The following MGAT4C variants were observed in gnomAD, a reference collection of about 807,000 sequenced individuals.
MGAT4C encodes alpha-1,3-mannosyl-glycoprotein 4-beta-N-acetylglucosaminyltransferase C.
A neutral mutation model predicts 40.1 loss-of-function variants in MGAT4C; 19 were observed. The ratio of observed to expected loss-of-function variants is 0.47; its 90% CI spans 0.33 to 0.70. MGAT4C has a LOEUF of 0.70. Among genes scored for constraint, MGAT4C ranks in the 30% least tolerant of loss-of-function variants. MGAT4C has a pLI of 0.02. For synonymous variants in MGAT4C, 181 were observed against 187.1 expected (o/e 0.97, Z 0.27); for missense variants, 491 against 563.2 (o/e 0.87, Z 1.30).
rs145699550 is a variant in MGAT4C at position 86,303,758 on chromosome 12, A to G, written c.-57+30307T>C. 8.2e-3 allele frequency among the ~76,000 whole-genome samples: 1,236 copies of G among 150,698 alleles called. 21 individuals carry two copies. Among genetic ancestry groups the G allele is most frequent in the Non-Finnish European group, 0.014 (978 of 68,008 alleles). ...CTTAAAATTATATTACTTATGATTA[A>G]TACACTAATTTCATTTTACTTTTGC... On this transcript the variant is annotated intron_variant, in intron 4 of 7. Transcript: ENST00000548651.
chr12:86,395,259 C>T (rs996906113), intron 3 of MGAT4C, among the ~76,000 whole-genome samples: 3 of 152,016 alleles, frequency 2.0e-5, no homozygotes, highest in African/African-American at 7.2e-5. Context: ...AATTTTAGAG[C>T]TGGAAGAGAT....
Position 85,959,766 on chromosome 12 carries a change from T to G in MGAT4C, c.*19523A>C, listed in dbSNP as rs992584455. 6.6e-6 allele frequency: 1 copy of G among 151,828 alleles called. No homozygotes were observed. The highest frequency in any genetic ancestry group is 1.5e-5 in the Non-Finnish European group (1 of 67,916). 9.4% of individuals were successfully genotyped at this position (151,828 alleles called of 1,614,324 possible). ...GAGATCAATATTCATTGTTTTCTTC[T>G]GGGTTAACTCTTTTTTATGTTAACT... On this transcript the variant is annotated 3_prime_UTR_variant, in exon 5 of 5. Transcript: ENST00000611864.
intron 1 of MGAT4C, among the ~76,000 whole-genome samples, chr12:86,795,766 T>C (rs1229108440): frequency 6.6e-6 from 1 of 152,148 alleles, no homozygotes; most frequent in African/African-American, 2.4e-5. Context: ...CAGGAATTAT[T>C]TGTCTAGAAA....
intron 1 of MGAT4C, among the ~76,000 whole-genome samples, chr12:86,797,857 TAA>T (rs1226595588): frequency 6.6e-6 from 1 of 152,024 alleles, no homozygotes; most frequent in African/African-American, 2.4e-5. Context: ...CATCTTAGAA[TAA>T]AGTCTGCCTT....
At chr12:86,349,537 A>C (rs555810299) in intron 3 of MGAT4C, among the ~76,000 whole-genome samples, 1 of 152,000 alleles carries the variant, frequency 6.6e-6, no homozygotes, top group East Asian at 1.9e-4. Context: ...CCTCTTGTAA[A>C]CCCTCTGTTT....
chr12:86,699,469 T>C (rs569200416), intron 2 of MGAT4C, among the ~76,000 whole-genome samples: 4 of 152,282 alleles, frequency 2.6e-5, no homozygotes, highest in Admixed American at 6.6e-5. Flanking sequence ...TATATATTAA[T>C]TTGAAGTCAC....
intron 1 of MGAT4C, among the ~76,000 whole-genome samples, chr12:86,728,725 T>A (rs962047290): frequency 1.3e-5 from 2 of 152,186 alleles, no homozygotes; most frequent in African/African-American, 4.8e-5. Context: ...TCCCGCTCAC[T>A]ACTGTTGAGT....
intron 3 of MGAT4C, among the ~76,000 whole-genome samples, chr12:86,434,326 A>C (rs1292571829): frequency 6.6e-6 from 1 of 151,980 alleles, no homozygotes; most frequent in Non-Finnish European, 1.5e-5. Context: ...AAAAGCTATA[A>C]ATTTCCATAG....
chr12:86,562,258 G>C (rs778735164), intron 2 of MGAT4C, among the ~76,000 whole-genome samples: 3 of 152,106 alleles, frequency 2.0e-5, no homozygotes, highest in Non-Finnish European at 4.4e-5. Context: ...CAGAAAATCA[G>C]ACACAAGCTC....
intron 3 of MGAT4C, among the ~76,000 whole-genome samples, chr12:86,406,198 G>A (rs1956470137): frequency 1.3e-5 from 2 of 151,062 alleles, no homozygotes; most frequent in Middle Eastern, 6.9e-3. Flanking sequence ...TAGTCAAAAA[G>A]TGCTTAGATG....
At chr12:86,588,171 T>A (rs2136443993) in intron 2 of MGAT4C, among the ~76,000 whole-genome samples, 1 of 151,780 alleles carries the variant, frequency 6.6e-6, no homozygotes, top group South Asian at 2.1e-4. Flanking sequence ...ATTGTTGAAT[T>A]TTGTCAAAGG....
At chr12:86,786,517 G>T (rs1039882552) in intron 1 of MGAT4C, among the ~76,000 whole-genome samples, 6 of 152,002 alleles carry the variant, frequency 3.9e-5, no homozygotes, top group African/African-American at 1.4e-4. Context: ...GTCTCAGTTG[G>T]TCAGGGGTTT....
At chr12:86,150,651 T>C (rs1884158478) in intron 1 of MGAT4C, among the ~76,000 whole-genome samples, 2 of 152,232 alleles carry the variant, frequency 1.3e-5, no homozygotes, top group South Asian at 2.1e-4. Flanking sequence ...ATACAGGAAA[T>C]TGTGTTGGAG....
At chr12:86,199,294 AGTG>A (rs1949945524) in intron 1 of MGAT4C, among the ~76,000 whole-genome samples, 1 of 152,170 alleles carries the variant, frequency 6.6e-6, no homozygotes, top group South Asian at 2.1e-4. Flanking sequence ...CAGAGGCAGC[AGTG>A]AGTGGAGGCA....
intron 3 of MGAT4C, among the ~76,000 whole-genome samples, chr12:86,353,851 T>C (rs564336350): frequency 6.6e-6 from 1 of 152,214 alleles, no homozygotes; most frequent in African/African-American, 2.4e-5. Context: ...TTGAACAGAA[T>C]TGTAGATGTG....
intron 1 of MGAT4C, among the ~76,000 whole-genome samples, chr12:86,769,224 T>A (rs1359577927): frequency 6.6e-6 from 1 of 152,014 alleles, no homozygotes; most frequent in Non-Finnish European, 1.5e-5. Flanking sequence ...AACAGACACT[T>A]CTCAAAAGAA....
chr12:86,490,626 G>A (rs1958114047), intron 2 of MGAT4C, among the ~76,000 whole-genome samples: 2 of 152,036 alleles, frequency 1.3e-5, no homozygotes, highest in African/African-American at 2.4e-5. Context: ...GACACAGACT[G>A]GCAAATTGGA....
intron 4 of MGAT4C, among the ~76,000 whole-genome samples, chr12:86,300,674 A>G: frequency 6.6e-6 from 1 of 152,158 alleles, no homozygotes; most frequent in Non-Finnish European, 1.5e-5. Flanking sequence ...CTTGCATTGT[A>G]GCTTTTAAAA....
chr12:86,665,543 AT>A (rs1288116260), intron 2 of MGAT4C, among the ~76,000 whole-genome samples: 2 of 151,690 alleles, frequency 1.3e-5, no homozygotes, highest in Non-Finnish European at 2.9e-5. Context: ...TGCCCAGCTA[AT>A]TTTTTTGTAT....
Sources: allele counts gnomAD v4.1 joint callset (sites outside exome capture counted in the v4.1 genomes callset), GRCh38; gene constraint gnomAD v4.1.1; transcripts MANE v1.5; gene names NCBI Gene and HGNC (gene_info 2026-07-23, HGNC 2026-07-21).